Variants in DNMT3A observed in about 807,000 individuals in gnomAD.
DNMT3A encodes DNA methyltransferase 3 alpha, also known as DNA (cytosine-5)-methyltransferase 3A.
In DNMT3A, 267 loss-of-function variants were observed where a neutral mutation model predicts 117.6. The observed-to-expected ratio is 2.27, with a 90% CI of 2.05 to 2.51. The LOEUF (loss-of-function observed/expected upper bound fraction) is 2.51, where lower values mean the gene tolerates loss of function less well. DNMT3A is among the 30% of genes most tolerant of loss of function. The pLI is 0.00. For missense variants in DNMT3A, 1,029 were observed against 1,260.2 expected, an observed-to-expected ratio of 0.82 and a Z score of 2.78; for synonymous variants, 432 against 474.8, an observed-to-expected ratio of 0.91 and a Z score of 1.17.
chr2:25,337,634 A>AC lies in DNMT3A; in HGVS notation c.-178+4191dup, dbSNP rs1233371876. Among the ~76,000 whole-genome samples, 1 of 152,176 alleles carries AC rather than the reference A, an allele frequency of 6.6e-6. No homozygotes were observed. Among genetic ancestry groups the AC allele is most frequent in the Non-Finnish European group, 1.5e-5 (1 of 68,040 alleles). ...CCTACCCATCCACAGGTGGCGGCACACCACGTACACACACATCATGCACAG... is the reference window on the plus strand; with the variant it reads ...CCTACCCATCCACAGGTGGCGGCACACCCACGTACACACACATCATGCACAG... On this transcript the variant is annotated intron_variant, in intron 1 of 22. Coordinates refer to ENST00000321117, the MANE Select transcript of DNMT3A (RefSeq NM_022552.5). This position sits in a 1 kb window ranked among gnomAD's most constrained non-coding sequence, Gnocchi z 5.0.
intron 4 of DNMT3A, among the ~76,000 whole-genome samples, chr2:25,276,755 C>A (rs2031446529): frequency 6.6e-6 from 1 of 152,260 alleles, no homozygotes; most frequent in Admixed American, 6.5e-5. Context: ...GACAGCGTAT[C>A]GGGCCTGGGC....
chr2:25,297,936 G>A (rs796276477), intron 3 of DNMT3A, among the ~76,000 whole-genome samples: 10 of 152,366 alleles, frequency 6.6e-5, no homozygotes, highest in African/African-American at 2.4e-4. Flanking sequence ...ACTTGCTCAA[G>A]GACACATGCT....
At chr2:25,241,096 G>A (rs1673973190) in intron 17 of DNMT3A, among the ~76,000 whole-genome samples, 1 of 152,162 alleles carries the variant, frequency 6.6e-6, no homozygotes, top group South Asian at 2.1e-4. Context: ...GACTCCAGAG[G>A]GCCTGTAGTC....
intron 16 of DNMT3A, among the ~76,000 whole-genome samples, chr2:25,243,462 T>G (rs952360448): frequency 6.6e-6 from 1 of 152,210 alleles, no homozygotes; most frequent in Non-Finnish European, 1.5e-5. Context: ...GAAAAAAATC[T>G]GAAAAGGACA....
chr2:25,321,822 G>A (rs2034609421), intron 1 of DNMT3A, among the ~76,000 whole-genome samples: 2 of 152,214 alleles, frequency 1.3e-5, no homozygotes, highest in South Asian at 4.1e-4. Context: ...GGAGGTCGAG[G>A]CTGCAGGGAG....
intron 6 of DNMT3A, 136 bp from the exon 7 acceptor site, chr2:25,248,388 G>T: frequency 1.1e-6 from 1 of 912,070 alleles, no homozygotes; most frequent in Non-Finnish European, 1.6e-6. Context: ...CCAACCAGCT[G>T]CCTTGCCGTG....
Position 25,300,593 on chromosome 2 carries a change from CCA to C in DNMT3A, c.73-352_73-351del, listed in dbSNP as rs2033376715. On this transcript the variant is annotated intron_variant, in intron 2 of 22. Coordinates refer to ENST00000321117, the MANE Select transcript of DNMT3A (RefSeq NM_022552.5). Reference sequence around the variant, plus strand: ...TCCATCTCTATAAAAATACCCACACCCATATATATATCTAAATAATATATTAT... The same window carrying C: ...TCCATCTCTATAAAAATACCCACACCTATATATATCTAAATAATATATTAT... 6.9e-5 allele frequency among the ~76,000 whole-genome samples: 9 copies of C among 130,520 alleles called. No individual in the cohort carries two copies. The South Asian group carries it at 2.1e-3, about 31-fold the overall frequency. 85.6% of individuals were successfully genotyped at this position (130,520 alleles called of 152,430 possible).
chr2:25,242,261 G>C (rs1674163818), intron 16 of DNMT3A, among the ~76,000 whole-genome samples: 1 of 152,026 alleles, frequency 6.6e-6, no homozygotes, highest in Admixed American at 6.6e-5. Context: ...GATTGCAAAG[G>C]CTCTTCCAGA....
In DNMT3A at chr2:25,236,182, C is replaced by T. The variant is rs952297110; in HGVS notation, c.2479-357G>A. On this transcript the variant is annotated intron_variant, in intron 21 of 22. Coordinates refer to ENST00000321117, the MANE Select transcript of DNMT3A (RefSeq NM_022552.5). The surrounding 1 kb of genome is among the most constrained non-coding windows in gnomAD (Gnocchi z 4.5). ...CCGGGTTCAAGCGATTCTAATGCCT[C>T]AGACTCCTGAGTAGCTGGGACTACA... Among the ~76,000 whole-genome samples, 1 of 152,118 alleles carries T rather than the reference C, an allele frequency of 6.6e-6. No individual in the cohort carries two copies. Among genetic ancestry groups the T allele is most frequent in the Non-Finnish European group, 1.5e-5 (1 of 68,036 alleles).
chr2:25,319,099 C>T (rs2034495380), intron 1 of DNMT3A, among the ~76,000 whole-genome samples: 1 of 150,638 alleles, frequency 6.6e-6, no homozygotes, highest in Admixed American at 6.6e-5. Flanking sequence ...ACTGCAACCT[C>T]CACCTCCCGG....
In DNMT3A at chr2:25,240,641, G is replaced by A. The variant is rs559412770; in HGVS notation, c.2172C>T (p.Tyr724=). Residue 724 remains tyrosine, a splice_region_variant and synonymous_variant, in exon 18 of 23, where the codon TAC becomes TAT. Transcript: ENST00000321117. ...TGGAGGGGACAGGATGGTACCTACCGTAGAGGCCCTTGCGAGCAGGGTTGA... is the reference window on the plus strand; with the variant it reads ...TGGAGGGGACAGGATGGTACCTACCATAGAGGCCCTTGCGAGCAGGGTTGA... The part of the protein sequence containing the change: ...SIVNPARKGL[Y]EGTGRLFFEF... 2 of 1,614,206 alleles carry A rather than the reference G, an allele frequency of 1.2e-6. No homozygotes were observed. The highest frequency in any genetic ancestry group is 2.2e-5 in the East Asian group (1 of 44,884).
Position 25,281,322 on chromosome 2 carries a change from T to A in DNMT3A, c.448+1119A>T. 1 of 629,860 alleles carries A rather than the reference T, an allele frequency of 1.6e-6. No individual in the cohort carries two copies. Among genetic ancestry groups the A allele is most frequent in the Non-Finnish European group, 2.0e-6 (1 of 496,590 alleles). The allele number at this position is 629,860 out of a possible 1,614,324, so 39.0% of individuals were successfully genotyped here. A position where few individuals can be genotyped will look rare whatever the true frequency, so the allele number is the denominator to read the frequency against. On this transcript the variant is annotated intron_variant, in intron 4 of 22. Coordinates refer to ENST00000321117, the MANE Select transcript of DNMT3A (RefSeq NM_022552.5). The surrounding 1 kb of genome is among the most constrained non-coding windows in gnomAD (Gnocchi z 4.8). ...TATTTTTCTCCTGAAATGAGGATAA[T>A]CATATCTCTTGAATAAGATTGTTAG...
rs543767877 is a variant in DNMT3A, at chr2:25,233,784, A to C, written c.*495T>G. The stretch of plus-strand genomic sequence containing the variant: ...TATAGTAAAAAAAAAAACCCAAAAA[A>C]AAAAAACAAAAAACAAAAAAAAAAA... On this transcript the variant is annotated 3_prime_UTR_variant, in exon 23 of 23. Coordinates refer to ENST00000321117, the MANE Select transcript of DNMT3A (RefSeq NM_022552.5). 45 of 213,758 alleles carry C rather than the reference A, an allele frequency of 2.1e-4. No individual in the cohort carries two copies. Among genetic ancestry groups the C allele is most frequent in the African/African-American group, 4.0e-4 (17 of 42,994 alleles). 13.2% of individuals were successfully genotyped at this position (213,758 alleles called of 1,614,324 possible). A position where few individuals can be genotyped will look rare whatever the true frequency, so the allele number is the denominator to read the frequency against.
chr2:25,232,861 G>A lies in DNMT3A; in HGVS notation c.*1418C>T, dbSNP rs1672941809. ...CCAGTATAAAACTGCAGCCTTTGGA[G>A]ATGACCAAAAACATCACATTCCAGG... is the stretch of plus-strand genomic sequence containing the variant. On this transcript the variant is annotated 3_prime_UTR_variant, in exon 23 of 23. Coordinates refer to ENST00000321117, the MANE Select transcript of DNMT3A (RefSeq NM_022552.5). The surrounding 1 kb of genome is among the most constrained non-coding windows in gnomAD (Gnocchi z 4.1). 1 of 226,912 alleles carries A rather than the reference G, an allele frequency of 4.4e-6. No homozygotes were observed. Among genetic ancestry groups the A allele is most frequent in the Non-Finnish European group, 8.8e-6 (1 of 114,252 alleles). The allele number at this position is 226,912 out of a possible 1,614,324, so 14.1% of individuals were successfully genotyped here. A position where few individuals can be genotyped will look rare whatever the true frequency, so the allele number is the denominator to read the frequency against.
rs2035336501 is a variant in DNMT3A at position 25,339,620 on chromosome 2, C to T, written c.-178+2206G>A. On this transcript the variant is annotated intron_variant, in intron 1 of 22. Coordinates refer to ENST00000321117, the MANE Select transcript of DNMT3A (RefSeq NM_022552.5). This position sits in a 1 kb window ranked among gnomAD's most constrained non-coding sequence, Gnocchi z 4.9. Reference sequence around the variant, plus strand: ...CAGACTCCCACCTTGACAGAGCCACCTGTCACAGCCCAAGCAGGGCCTCGG... The same window carrying T: ...CAGACTCCCACCTTGACAGAGCCACTTGTCACAGCCCAAGCAGGGCCTCGG... Among the ~76,000 whole-genome samples, 1 of 152,192 alleles carries T rather than the reference C, an allele frequency of 6.6e-6. No individual in the cohort carries two copies. The highest frequency in any genetic ancestry group is 1.5e-5 in the Non-Finnish European group (1 of 68,034).
intron 1 of DNMT3A, 70 bp from the exon 2 acceptor site, chr2:25,314,231 G>A: frequency 2.2e-6 from 3 of 1,366,880 alleles, no homozygotes; most frequent in Non-Finnish European, 2.8e-6. Flanking sequence ...CTCAGCCCAG[G>A]GCCACACCTG....
intron 17 of DNMT3A, 119 bp from the exon 18 acceptor site, chr2:25,240,849 C>T (rs1673945049): frequency 1.0e-6 from 1 of 955,998 alleles, no homozygotes; most frequent in Non-Finnish European, 1.6e-6. Flanking sequence ...AGAGGAGACC[C>T]AGCTGCTCTG....
In DNMT3A at chr2:25,237,596, G is replaced by A. The variant is rs533473320; in HGVS notation, c.2409-591C>T. 2.0e-5 allele frequency among the ~76,000 whole-genome samples: 3 copies of A among 152,126 alleles called. No homozygotes were observed. The highest frequency in any genetic ancestry group is 2.9e-5 in the Non-Finnish European group (2 of 67,994). Reference sequence around the variant, plus strand: ...CATCCTGATCAACATGGTGAAACCCGGTCTCTACTAATATAAAAATTAGCC... The same window carrying A: ...CATCCTGATCAACATGGTGAAACCCAGTCTCTACTAATATAAAAATTAGCC... On this transcript the variant is annotated intron_variant, in intron 20 of 22. Coordinates refer to ENST00000321117, the MANE Select transcript of DNMT3A (RefSeq NM_022552.5). This position sits in a 1 kb window ranked among gnomAD's most constrained non-coding sequence, Gnocchi z 5.4.
At chr2:25,245,984 A>T (rs372995572) in intron 12 of DNMT3A, 36 bp downstream of exon 12, 3 of 1,613,490 alleles carry the variant, frequency 1.9e-6, no homozygotes, top group African/African-American at 2.7e-5. Flanking sequence ...CCCATGCCAC[A>T]CTAGGAGTGC....
Sources: gnomAD v4.1 joint callset for allele counts (sites outside exome capture counted in the v4.1 genomes callset) on GRCh38, gnomAD v4.1.1 for gene constraint, Gnocchi (gnomAD v3.1) non-coding constraint, MANE v1.5 for transcripts, NCBI Gene and HGNC (gene_info 2026-07-23, HGNC 2026-07-21) for gene names.